GNAT3: variants seen among roughly 807,000 people sequenced by gnomAD.
GNAT3 encodes the protein G protein subunit alpha transducin 3, also known as guanine nucleotide-binding protein G(t) subunit alpha-3.
In GNAT3, 31 loss-of-function variants were observed where a neutral mutation model predicts 37.7. The ratio of observed to expected loss-of-function variants is 0.82; its 90% CI spans 0.62 to 1.11. The LOEUF (loss-of-function observed/expected upper bound fraction) is 1.11, where lower values mean the gene tolerates loss of function less well. GNAT3 is among the 50% of genes most tolerant of loss of function. The pLI is 0.00. For missense variants in GNAT3, 437 were observed against 412.5 expected, an observed-to-expected ratio of 1.06 and a Z score of -0.51; for synonymous variants, 138 against 139.8, an observed-to-expected ratio of 0.99 and a Z score of 0.09.
At chr7:80,487,511 A>C (rs1026723536) in intron 3 of GNAT3, among the ~76,000 whole-genome samples, 1 of 152,188 alleles carries the variant, frequency 6.6e-6, no homozygotes, top group African/African-American at 2.4e-5. Context: ...CATTAAGAGC[A>C]CAGAAAAGGC....
At chr7:80,487,189 C>T (rs1388108120) in intron 3 of GNAT3, among the ~76,000 whole-genome samples, 2 of 151,910 alleles carry the variant, frequency 1.3e-5, no homozygotes, top group African/African-American at 2.4e-5. Flanking sequence ...TAAAATCCTA[C>T]GTTCTTAGGA....
chr7:80,486,028 C>G (rs1225536789), intron 3 of GNAT3, among the ~76,000 whole-genome samples: 1 of 152,126 alleles, frequency 6.6e-6, no homozygotes, highest in East Asian at 1.9e-4. Flanking sequence ...AGTATATGCA[C>G]TTGTATAAAT....
chr7:80,468,742 T>TA (rs569405575), intron 5 of GNAT3, among the ~76,000 whole-genome samples: 1 of 151,918 alleles, frequency 6.6e-6, no homozygotes, highest in Non-Finnish European at 1.5e-5. Flanking sequence ...TCCTCACAAT[T>TA]AAAAAACAGA....
chr7:80,486,702 C>T (rs747740513), intron 3 of GNAT3: 6 of 146,048 alleles, frequency 4.1e-5, no homozygotes, highest in African/African-American at 7.8e-5. Flanking sequence ...CTGGAACTCC[C>T]GGGCTCAAGC....
In GNAT3 at chr7:80,471,041, C is replaced by T. The variant is rs924513443; in HGVS notation, c.590+3210G>A. On this transcript the variant is annotated intron_variant, in intron 5 of 7. Transcript: ENST00000398291. ...GCTGCCAGCACAGCTAGAATATAAG[C>T]AAGCAGAAAAATGTGAAAAGGGAGG... Among the ~76,000 whole-genome samples the T allele has an allele frequency of 6.7e-5, 10 of 149,906 alleles. No homozygotes were observed. In the South Asian group the frequency reaches 2.2e-3, roughly 32 times the overall value.
chr7:80,495,552 C>T (rs768040598), intron 1 of GNAT3, among the ~76,000 whole-genome samples: 3 of 152,066 alleles, frequency 2.0e-5, no homozygotes, highest in Non-Finnish European at 2.9e-5. Flanking sequence ...TCACTGCGAC[C>T]TCCACCTCCT....
At chr7:80,473,950 T>C (rs908016704) in intron 5 of GNAT3, among the ~76,000 whole-genome samples, 1 of 152,172 alleles carries the variant, frequency 6.6e-6, no homozygotes, top group Non-Finnish European at 1.5e-5. Flanking sequence ...TTTAAATACA[T>C]TTTCTTTTTT....
intron 1 of GNAT3, among the ~76,000 whole-genome samples, chr7:80,510,430 A>C (rs576037754): frequency 6.6e-6 from 1 of 152,258 alleles, no homozygotes; most frequent in Non-Finnish European, 1.5e-5. Flanking sequence ...ACGTTTTATC[A>C]CCATTCTTAT....
chr7:80,491,893 T>G (rs916910060), intron 2 of GNAT3, among the ~76,000 whole-genome samples: 1 of 152,124 alleles, frequency 6.6e-6, no homozygotes, highest in Non-Finnish European at 1.5e-5. Context: ...AAGTGCTCAT[T>G]GTAGAAAATG....
chr7:80,474,406 ATGTG>A, intron 4 of GNAT3, 27 bp from the exon 5 acceptor site: 43 of 1,137,468 alleles, frequency 3.8e-5, no homozygotes, highest in Non-Finnish European at 4.7e-5. Flanking sequence ...AAAATTATAT[ATGTG>A]TATATATAAT....
At chr7:80,486,043 A>G (rs1385481596) in intron 3 of GNAT3, among the ~76,000 whole-genome samples, 1 of 152,202 alleles carries the variant, frequency 6.6e-6, no homozygotes, top group Non-Finnish European at 1.5e-5. Flanking sequence ...ATAAATAAAT[A>G]ATTGAGAGCT....
chr7:80,477,415 G>T (rs1011924637), intron 4 of GNAT3, among the ~76,000 whole-genome samples: 2 of 152,246 alleles, frequency 1.3e-5, no homozygotes, highest in South Asian at 4.1e-4. Flanking sequence ...TGTGGTAGGT[G>T]CTGAGACACT....
At chr7:80,502,514 A>G (rs938030650) in intron 1 of GNAT3, among the ~76,000 whole-genome samples, 44 of 152,062 alleles carry the variant, frequency 2.9e-4, no homozygotes, top group African/African-American at 1.0e-3. Flanking sequence ...GTATAAATAC[A>G]TATTGCAACA....
intron 5 of GNAT3, among the ~76,000 whole-genome samples, chr7:80,473,110 C>A (rs1218625745): frequency 6.6e-6 from 1 of 152,098 alleles, no homozygotes; most frequent in Non-Finnish European, 1.5e-5. Flanking sequence ...CCAAAAAGAA[C>A]TATACAATAG....
Position 80,459,039 on chromosome 7 carries a change from C to T in GNAT3, c.875-178G>A, listed in dbSNP as rs1013406320. On this transcript the variant is annotated intron_variant, in intron 7 of 7. Transcript: ENST00000398291. ...CTATGCTCACCCCTTTGGGAGCTCC[C>T]GGTGGCTAAAAGGTAAACTTTGCAT... Among the ~76,000 whole-genome samples, 12 of 152,008 alleles carry T rather than the reference C, an allele frequency of 7.9e-5. No homozygotes were observed. The East Asian group carries it at 9.6e-4, about 12-fold the overall frequency.
chr7:80,474,243 G>T lies in GNAT3; in HGVS notation c.590+8C>A. 1 of 1,603,080 alleles carries T rather than the reference G, an allele frequency of 6.2e-7. No individual in the cohort carries two copies. The highest frequency in any genetic ancestry group is 1.1e-5 in the South Asian group (1 of 89,160). ...CTGTCTACAGTTAGAAAAGATATTT[G>T]ATCATACCTGAAGTGCAAGTCTTTA... On this transcript the variant is annotated splice_region_variant and intron_variant, in intron 5 of 7. Coordinates refer to ENST00000398291, the MANE Select transcript of GNAT3 (RefSeq NM_001102386.3).
chr7:80,504,054 G>C (rs1310201407), intron 1 of GNAT3, among the ~76,000 whole-genome samples: 1 of 152,182 alleles, frequency 6.6e-6, no homozygotes, highest in Admixed American at 6.5e-5. Context: ...GGAGGCTCAT[G>C]CCTGTAATTC....
chr7:80,505,421 C>T (rs985263110), intron 1 of GNAT3, among the ~76,000 whole-genome samples: 12 of 152,272 alleles, frequency 7.9e-5, no homozygotes, highest in African/African-American at 1.4e-4. Flanking sequence ...GGCTGGAGTG[C>T]AGTGGCACAA....
rs554047589 is a variant in GNAT3, at chr7:80,495,070, AT to A, written c.119-424del. 1.7e-3 allele frequency among the ~76,000 whole-genome samples: 248 copies of A among 148,782 alleles called. 8 individuals are homozygous for A. The South Asian group carries it at 0.048, about 29-fold the overall frequency. On this transcript the variant is annotated intron_variant, in intron 1 of 7. Transcript: ENST00000398291. The stretch of plus-strand genomic sequence containing the variant: ...TGCTGGCAAAGACATCAAAGACATG[AT>A]TTTTTTTTTAATGGCTGAGTAGTAT...
Sources: gnomAD v4.1 joint callset for allele counts (sites outside exome capture counted in the v4.1 genomes callset) on GRCh38, gnomAD v4.1.1 for gene constraint, MANE v1.5 for transcripts, NCBI Gene and HGNC (gene_info 2026-07-23, HGNC 2026-07-21) for gene names.